CD163: variants seen among roughly 807,000 people sequenced by gnomAD.
CD163 encodes scavenger receptor cysteine-rich type 1 protein M130.
A neutral mutation model predicts 129.2 loss-of-function variants in CD163; 64 were observed. The observed-to-expected ratio is 0.50, with a 90% CI of 0.41 to 0.61. The LOEUF is 0.61. Among genes scored for constraint, CD163 ranks in the 20% least tolerant of loss-of-function variants. The pLI is 0.00. For missense variants in CD163, 1,061 were observed against 1,377.9 expected, an observed-to-expected ratio of 0.77 and a Z score of 3.64; for synonymous variants, 446 against 478.5, an observed-to-expected ratio of 0.93 and a Z score of 0.89.
Position 7,485,005 on chromosome 12 carries a change from G to T in CD163, c.2779+91C>A. 1 of 1,168,236 alleles carries T rather than the reference G, an allele frequency of 8.6e-7. No individual in the cohort carries two copies. The highest frequency in any genetic ancestry group is 1.2e-6 in the Non-Finnish European group (1 of 827,078). The allele number at this position is 1,168,236 out of a possible 1,614,324, so 72.4% of individuals were successfully genotyped here. Reference sequence around the variant, plus strand: ...TCAATCTAACAATTTAAGCCAGTGTGAGAATAGGAAAATAAAATCCAGTGT... The same window carrying T: ...TCAATCTAACAATTTAAGCCAGTGTTAGAATAGGAAAATAAAATCCAGTGT... On this transcript the variant is annotated intron_variant, in intron 11 of 16. Coordinates refer to ENST00000432237, the MANE Select transcript of CD163 (RefSeq NM_203416.4). The surrounding 1 kb of genome is among the most constrained non-coding windows in gnomAD (Gnocchi z 4.5).
rs1949252202 is a variant in CD163 at position 7,486,587 on chromosome 12, T to C, written c.2370A>G (p.Gly790=). ...PIWLDEMKCN[G]KESRIWQCHS... ...GGCACTGCCAAATGCGGGATTCTTT[T>C]CCATTGCATTTCATCTCATCCAGCC... The change falls in exon 10 of 17, where the codon GGA becomes GGG. Residue 790 remains glycine, a synonymous_variant. Transcript: ENST00000432237. 1.2e-6 allele frequency: 2 copies of C among 1,614,220 alleles called. No individual in the cohort carries two copies. Among genetic ancestry groups the C allele is most frequent in the Non-Finnish European group, 1.7e-6 (2 of 1,180,030 alleles).
At chr12:7,482,355 T>C (rs761316205) in intron 14 of CD163, among the ~76,000 whole-genome samples, 1 of 152,276 alleles carries the variant, frequency 6.6e-6, no homozygotes, top group East Asian at 1.9e-4. Flanking sequence ...TGAAATCTTA[T>C]TCCCTCTATT....
At position 7,496,702 on chromosome 12, in the gene CD163, A is replaced by T. The variant is rs1228617981; in HGVS notation, c.1099+111T>A. On this transcript the variant is annotated intron_variant, in intron 5 of 16. Transcript: ENST00000432237. The surrounding 1 kb of genome is among the most constrained non-coding windows in gnomAD (Gnocchi z 4.8). ...AGGAATTCCCAGCAAGGAATTTACT[A>T]GGCATTTCTACTTCTTAAGGAGCAC... The T allele has an allele frequency of 1.5e-5, 12 of 816,306 alleles. No individual in the cohort carries two copies. In the Admixed American group the frequency reaches 2.2e-4, roughly 15 times the overall value. The allele number at this position is 816,306 out of a possible 1,614,324, so 50.6% of individuals were successfully genotyped here. A position where few individuals can be genotyped will look rare whatever the true frequency, so the allele number is the denominator to read the frequency against.
At chr12:7,476,656 C>G (rs897100508) in intron 16 of CD163, among the ~76,000 whole-genome samples, 1 of 152,146 alleles carries the variant, frequency 6.6e-6, no homozygotes, top group Non-Finnish European at 1.5e-5. Flanking sequence ...CTAGGCAGTA[C>G]CATTCAGTAC....
intron 16 of CD163, among the ~76,000 whole-genome samples, chr12:7,474,826 T>C (rs943288821): frequency 6.6e-6 from 1 of 151,918 alleles, no homozygotes; most frequent in African/African-American, 2.4e-5. Context: ...GACAGACCAC[T>C]AGCCAGACTA....
chr12:7,482,467 G>A (rs2136696963), intron 14 of CD163, among the ~76,000 whole-genome samples, 176 bp downstream of exon 14: 1 of 152,244 alleles, frequency 6.6e-6, no homozygotes, highest in Non-Finnish European at 1.5e-5. Context: ...GCCTCCCAAA[G>A]TGTAGGGATT....
chr12:7,487,948 CTG>C lies in CD163; in HGVS notation c.1558_1559del (p.Gln520ValfsTer23), dbSNP rs1949278254. 1 of 1,614,132 alleles carries C rather than the reference CTG, an allele frequency of 6.2e-7. No individual in the cohort carries two copies. The highest frequency in any genetic ancestry group is 1.3e-5 in the African/African-American group (1 of 75,022). ...EAASVLCREL[Q>X]CGTVVSILGG... ...CCAGGATAGAGACAACTGTGCCACA[CTG>C]TAATTCCCTGCATAGAACGCTGGCA... On this transcript the variant is annotated frameshift_variant, in exon 7 of 17. Coordinates refer to ENST00000432237, the MANE Select transcript of CD163 (RefSeq NM_203416.4). LOFTEE classifies it high-confidence loss of function. This position sits in a 1 kb window ranked among gnomAD's most constrained non-coding sequence, Gnocchi z 5.1.
At chr12:7,474,398 A>G (rs2136681444) in intron 16 of CD163, among the ~76,000 whole-genome samples, 1 of 152,300 alleles carries the variant, frequency 6.6e-6, no homozygotes, top group East Asian at 1.9e-4. Context: ...AGTGCAATCA[A>G]ATTAGAACTC....
rs1235658762 is a variant in CD163 at position 7,487,451 on chromosome 12, G to A, written c.1958C>T (p.Thr653Ile). The A allele has an allele frequency of 6.2e-7, 1 of 1,614,092 alleles. No homozygotes were observed. The highest frequency in any genetic ancestry group is 8.5e-7 in the Non-Finnish European group (1 of 1,180,000). ...ATCTCCCATGTGCTGCTCAGTCCCA[G>A]TGCAGTGAAACATATGCCTCCAGAT... ...GQIWRHMFHC[T>I]GTEQHMGDCP... The change falls in exon 8 of 17, where the codon ACT becomes ATT. Residue 653 changes from threonine to isoleucine, a missense_variant. Coordinates refer to ENST00000432237, the MANE Select transcript of CD163 (RefSeq NM_203416.4). The surrounding 1 kb of genome is among the most constrained non-coding windows in gnomAD (Gnocchi z 5.1).
chr12:7,487,316 C>T lies in CD163; in HGVS notation c.2050+43G>A. The T allele has an allele frequency of 4.6e-6, 7 of 1,524,012 alleles. No individual in the cohort carries two copies. The highest frequency in any genetic ancestry group is 6.1e-6 in the Non-Finnish European group (7 of 1,138,874). 94.4% of individuals were successfully genotyped at this position (1,524,012 alleles called of 1,614,324 possible). A position where few individuals can be genotyped will look rare whatever the true frequency, so the allele number is the denominator to read the frequency against. On this transcript the variant is annotated intron_variant, in intron 8 of 16. Coordinates refer to ENST00000432237, the MANE Select transcript of CD163 (RefSeq NM_203416.4). The surrounding 1 kb of genome is among the most constrained non-coding windows in gnomAD (Gnocchi z 5.1). ...CTTTTGTTCTTCATCCCTATGTACA[C>T]CTTCTCTTAAGACCCATCACTGGCT...
Position 7,483,347 on chromosome 12 carries a change from T to A in CD163, c.3088+20A>T. ...TTGCTGCCAGAGATTCCAAGCTCAATCCAGGCTTCTGGCACTTACCTGTGC... is the reference window on the plus strand; with the variant it reads ...TTGCTGCCAGAGATTCCAAGCTCAAACCAGGCTTCTGGCACTTACCTGTGC... On this transcript the variant is annotated intron_variant, in intron 12 of 16. Coordinates refer to ENST00000432237, the MANE Select transcript of CD163 (RefSeq NM_203416.4). The A allele has an allele frequency of 1.9e-6, 3 of 1,597,756 alleles. No homozygotes were observed. The highest frequency in any genetic ancestry group is 2.6e-6 in the Non-Finnish European group (3 of 1,171,070).
Position 7,497,065 on chromosome 12 carries a change from A to T in CD163, c.847T>A (p.Phe283Ile). 6.2e-7 allele frequency: 1 copy of T among 1,614,046 alleles called. No individual in the cohort carries two copies. Residue 283 changes from phenylalanine to isoleucine, a missense_variant, in exon 5 of 17, where the codon TTC becomes ATC. By Grantham distance (21) the Phe-to-Ile change is conservative. Transcript: ENST00000432237. ...CATATTGTCCCCCATTCTCCTTGGAATCTCACTTCTAATCTTCCTGAACAT... is the reference window on the plus strand; with the variant it reads ...CATATTGTCCCCCATTCTCCTTGGATTCTCACTTCTAATCTTCCTGAACAT... ...TECSGRLEVR[F>I]QGEWGTICDD...
In CD163 at chr12:7,496,799, T is replaced by G; in HGVS notation, c.1099+14A>C. On this transcript the variant is annotated intron_variant, in intron 5 of 16. Transcript: ENST00000432237. This position sits in a 1 kb window ranked among gnomAD's most constrained non-coding sequence, Gnocchi z 4.8. ...TTTGTTTAGTGTTTTGGTTTTGGTT[T>G]GGTTTTAACTTACCAGAACATGTCA... is the stretch of plus-strand genomic sequence containing the variant. 6.2e-7 allele frequency: 1 copy of G among 1,612,480 alleles called. No individual in the cohort carries two copies. Among genetic ancestry groups the G allele is most frequent in the Non-Finnish European group, 8.5e-7 (1 of 1,178,878 alleles).
rs1437430924 is a variant in CD163 at position 7,487,321 on chromosome 12, TC to T, written c.2050+37del. ...GTTCTTCATCCCTATGTACACCTTC[TC>T]TTAAGACCCATCACTGGCTGCCCGT... On this transcript the variant is annotated intron_variant, in intron 8 of 16. Coordinates refer to ENST00000432237, the MANE Select transcript of CD163 (RefSeq NM_203416.4). This position sits in a 1 kb window ranked among gnomAD's most constrained non-coding sequence, Gnocchi z 5.1. 8 of 1,532,536 alleles carry T rather than the reference TC, an allele frequency of 5.2e-6. No individual in the cohort carries two copies. The highest frequency in any genetic ancestry group is 2.6e-6 in the Non-Finnish European group (3 of 1,143,298). 94.9% of individuals were successfully genotyped at this position (1,532,536 alleles called of 1,614,324 possible).
intron 16 of CD163, among the ~76,000 whole-genome samples, chr12:7,476,171 T>C (rs1310877058): frequency 6.6e-6 from 1 of 152,176 alleles, no homozygotes; most frequent in Non-Finnish European, 1.5e-5. Context: ...CCCAAAGTTA[T>C]TTATAGATTC....
chr12:7,481,182 G>C lies in CD163; in HGVS notation c.3322C>G (p.Leu1108Val). ...AGACCTGAGGAATTCATTAGGTCCAGATCATCTGCATTCAGGCAAGAATTC... is the reference window on the plus strand; with the variant it reads ...AGACCTGAGGAATTCATTAGGTCCACATCATCTGCATTCAGGCAAGAATTC... ...EMNSCLNADD[L>V]DLMNSSGGHS... The change falls in exon 15 of 17, where the codon CTG becomes GTG. Residue 1108 changes from leucine to valine, a missense_variant. Coordinates refer to ENST00000432237, the MANE Select transcript of CD163 (RefSeq NM_203416.4). 2 of 1,613,810 alleles carry C rather than the reference G, an allele frequency of 1.2e-6. No homozygotes were observed. The highest frequency in any genetic ancestry group is 1.7e-6 in the Non-Finnish European group (2 of 1,179,772).
At chr12:7,479,651 C>G (rs947386551) in intron 16 of CD163, among the ~76,000 whole-genome samples, 1 of 152,046 alleles carries the variant, frequency 6.6e-6, no homozygotes. Context: ...TGTGTTATTA[C>G]TATTTGTGTG....
Position 7,501,692 on chromosome 12 carries a change from G to T in CD163, c.134-230C>A, listed in dbSNP as rs1949492185. Reference sequence around the variant, plus strand: ...ACCAGTAAAGGTAAGTAACACAATAGTGTTTAATAGCTTTATTTTATGGCT... The same window carrying T: ...ACCAGTAAAGGTAAGTAACACAATATTGTTTAATAGCTTTATTTTATGGCT... On this transcript the variant is annotated intron_variant, in intron 2 of 16. Coordinates refer to ENST00000432237, the MANE Select transcript of CD163 (RefSeq NM_203416.4). Among the ~76,000 whole-genome samples, 4 of 152,146 alleles carry T rather than the reference G, an allele frequency of 2.6e-5. No homozygotes were observed. The South Asian group carries it at 8.3e-4, about 32-fold the overall frequency.
At position 7,485,710 on chromosome 12, in the gene CD163, C is replaced by CATAGTTG. The variant is rs1949238221; in HGVS notation, c.2459-295_2459-294insCAACTAT. On this transcript the variant is annotated intron_variant, in intron 10 of 16. Transcript: ENST00000432237. This position sits in a 1 kb window ranked among gnomAD's most constrained non-coding sequence, Gnocchi z 4.5. ...TCAGTTACATAGTTTGGATTTTTTC[C>CATAGTTG]CAAAAATATTCTCCTTTTTTTGCAA... 6.6e-6 allele frequency among the ~76,000 whole-genome samples: 1 copy of CATAGTTG among 151,740 alleles called. No individual in the cohort carries two copies. The highest frequency in any genetic ancestry group is 1.5e-5 in the Non-Finnish European group (1 of 67,966).
Sources: allele counts gnomAD v4.1 joint callset (sites outside exome capture counted in the v4.1 genomes callset), GRCh38; gene constraint gnomAD v4.1.1; non-coding constraint Gnocchi (gnomAD v3.1); transcripts MANE v1.5; gene names NCBI Gene and HGNC (gene_info 2026-07-23, HGNC 2026-07-21).